The following HS6ST3 variants were observed in gnomAD, a reference collection of about 807,000 sequenced individuals.
HS6ST3 encodes heparan sulfate 6-O-sulfotransferase 3.
In HS6ST3, 12 loss-of-function variants were observed where a neutral mutation model predicts 36.7. That is an observed-to-expected ratio of 0.33 (90% CI 0.21 to 0.53). HS6ST3 has a LOEUF of 0.53. Among genes scored for constraint, HS6ST3 ranks in the 20% least tolerant of loss-of-function variants. The pLI, the probability that HS6ST3 is intolerant of heterozygous loss-of-function variation, is 0.95. For synonymous variants in HS6ST3, 240 were observed against 257.5 expected (o/e 0.93, Z 0.65); for missense variants, 584 against 640.9 (o/e 0.91, Z 0.96).
intron 1 of HS6ST3, chr13:96,573,890 C>G (rs1038655112): frequency 1.2e-5 from 6 of 495,514 alleles, no homozygotes; most frequent in Admixed American, 2.4e-5. Flanking sequence ...GCCCTCTCCC[C>G]CAGTCTAATG....
intron 1 of HS6ST3, among the ~76,000 whole-genome samples, chr13:96,656,995 G>C (rs1015527675): frequency 7.2e-6 from 1 of 138,974 alleles, no homozygotes; most frequent in Non-Finnish European, 1.6e-5. Context: ...GTGTGTGTGT[G>C]TGTGAGAGAG....
At chr13:96,112,301 A>C (rs981831129) in intron 1 of HS6ST3, among the ~76,000 whole-genome samples, 4 of 152,098 alleles carry the variant, frequency 2.6e-5, no homozygotes, top group African/African-American at 9.7e-5. Context: ...TGAATTTAAT[A>C]GTTAAAGAAA....
intron 1 of HS6ST3, among the ~76,000 whole-genome samples, chr13:96,695,857 TG>T (rs1481478085): frequency 1.3e-5 from 2 of 152,176 alleles, no homozygotes; most frequent in Non-Finnish European, 2.9e-5. Context: ...AATGAAAATT[TG>T]GGGAAAAATA....
chr13:96,580,957 G>C (rs940743433), intron 1 of HS6ST3, among the ~76,000 whole-genome samples: 10 of 151,994 alleles, frequency 6.6e-5, no homozygotes, highest in Non-Finnish European at 1.3e-4. Context: ...AGTTTTTATT[G>C]GTGATAGAAT....
At chr13:96,675,134 C>T (rs546822660) in intron 1 of HS6ST3, among the ~76,000 whole-genome samples, 4 of 152,034 alleles carry the variant, frequency 2.6e-5, no homozygotes, top group East Asian at 3.9e-4. Flanking sequence ...GACAAGAATG[C>T]GAACAGAAAC....
At chr13:96,494,561 C>A (rs1433786000) in intron 1 of HS6ST3, among the ~76,000 whole-genome samples, 2 of 150,908 alleles carry the variant, frequency 1.3e-5, no homozygotes, top group African/African-American at 2.4e-5. Context: ...AAAAAAGAAC[C>A]ACGATGTACC....
chr13:96,496,581 G>A (rs1400677615), intron 1 of HS6ST3, among the ~76,000 whole-genome samples: 2 of 151,988 alleles, frequency 1.3e-5, no homozygotes, highest in Admixed American at 1.3e-4. Context: ...ATGCCTGCTC[G>A]CACCTTTCTA....
chr13:96,300,607 T>C lies in HS6ST3; in HGVS notation c.707+209038T>C, dbSNP rs149344479. Among the ~76,000 whole-genome samples, 8 of 152,252 alleles carry C rather than the reference T, an allele frequency of 5.3e-5. No individual in the cohort carries two copies. The East Asian group carries it at 1.5e-3, about 29-fold the overall frequency. The stretch of plus-strand genomic sequence containing the variant: ...TATTCTTTCTTTCATGAAAAAAAGT[T>C]TAGAGAAGATGAATATTTATTAATC... On this transcript the variant is annotated intron_variant, in intron 1 of 1. Transcript: ENST00000376705.
At chr13:96,690,604 T>G (rs1874930691) in intron 1 of HS6ST3, among the ~76,000 whole-genome samples, 1 of 152,088 alleles carries the variant, frequency 6.6e-6, no homozygotes, top group Non-Finnish European at 1.5e-5. Context: ...AATATTTACC[T>G]CCATTTGCCT....
chr13:96,355,928 C>A (rs1453805673), intron 1 of HS6ST3, among the ~76,000 whole-genome samples: 2 of 152,134 alleles, frequency 1.3e-5, no homozygotes, highest in Non-Finnish European at 2.9e-5. Flanking sequence ...CTAAATAACT[C>A]ATTGTCATTA....
At chr13:96,790,357 C>A (rs1296223730) in intron 1 of HS6ST3, among the ~76,000 whole-genome samples, 1 of 150,842 alleles carries the variant, frequency 6.6e-6, no homozygotes, top group Non-Finnish European at 1.5e-5. Context: ...TGGAAATGAT[C>A]AAAAACTTAT....
intron 1 of HS6ST3, among the ~76,000 whole-genome samples, chr13:96,274,663 C>T (rs1041010194): frequency 6.6e-6 from 1 of 152,022 alleles, no homozygotes. Flanking sequence ...GGACAAGGGA[C>T]TAAGTAAAGC....
At chr13:96,129,350 G>A (rs1333504929) in intron 1 of HS6ST3, among the ~76,000 whole-genome samples, 1 of 152,222 alleles carries the variant, frequency 6.6e-6, no homozygotes, top group East Asian at 1.9e-4. Flanking sequence ...ATGCATCCAG[G>A]TAACCTGATA....
intron 1 of HS6ST3, among the ~76,000 whole-genome samples, chr13:96,230,689 A>C (rs1011565889): frequency 6.6e-6 from 1 of 152,146 alleles, no homozygotes; most frequent in Non-Finnish European, 1.5e-5. Flanking sequence ...AAGTGGAGGC[A>C]TGAGTGTAGA....
intron 1 of HS6ST3, among the ~76,000 whole-genome samples, chr13:96,230,709 C>CA (rs2054503906): frequency 6.6e-6 from 1 of 151,892 alleles, no homozygotes; most frequent in South Asian, 2.1e-4. Flanking sequence ...ACTTCTCTCA[C>CA]AAAAATGGAA....
intron 1 of HS6ST3, among the ~76,000 whole-genome samples, chr13:96,477,349 C>A (rs1485823946): frequency 6.6e-6 from 1 of 152,074 alleles, no homozygotes; most frequent in Non-Finnish European, 1.5e-5. Context: ...GCAAGTAACA[C>A]AAAAAACTAA....
In HS6ST3 at chr13:96,730,390, G is replaced by A. The variant is rs183840972; in HGVS notation, c.708-102100G>A. Among the ~76,000 whole-genome samples the A allele has an allele frequency of 2.6e-3, 388 of 152,106 alleles. 4 individuals are homozygous for A. Among genetic ancestry groups the A allele is most frequent in the Non-Finnish European group, 1.2e-3 (82 of 68,012 alleles). On this transcript the variant is annotated intron_variant, in intron 1 of 1. Transcript: ENST00000376705. ...GATTGGTGTTTCAGAATCTCATAGA[G>A]TGCCTTGCAAGTAAAAAGCACTAGA...
chr13:96,466,010 C>T (rs1262276494), intron 1 of HS6ST3, among the ~76,000 whole-genome samples: 5 of 152,038 alleles, frequency 3.3e-5, no homozygotes, highest in African/African-American at 9.6e-5. Context: ...TTGTCCGGCA[C>T]GGTGGCTCAC....
intron 1 of HS6ST3, among the ~76,000 whole-genome samples, chr13:96,405,677 A>G (rs1344365693): frequency 1.3e-5 from 2 of 152,210 alleles, no homozygotes; most frequent in Non-Finnish European, 2.9e-5. Context: ...TTCTTATGCA[A>G]AAAGATTACC....
Sources: gnomAD v4.1 joint callset for allele counts (sites outside exome capture counted in the v4.1 genomes callset) on GRCh38, gnomAD v4.1.1 for gene constraint, MANE v1.5 for transcripts, NCBI Gene and HGNC (gene_info 2026-07-23, HGNC 2026-07-21) for gene names.